The following SLC30A2 variants were observed in gnomAD, a reference collection of about 807,000 sequenced individuals.
The protein encoded by SLC30A2 is solute carrier family 30 member 2.
In SLC30A2, 19 loss-of-function variants were observed where a neutral mutation model predicts 39.6. The ratio of observed to expected loss-of-function variants is 0.48; its 90% CI spans 0.34 to 0.70. The LOEUF is 0.70. Among genes scored for constraint, SLC30A2 ranks in the 30% least tolerant of loss-of-function variants. SLC30A2 has a pLI of 0.01. For synonymous variants in SLC30A2, 195 were observed against 194.8 expected (o/e 1.00, Z -0.01); for missense variants, 387 against 479.4 (o/e 0.81, Z 1.80).
In SLC30A2 at chr1:26,046,025, C is replaced by A; in HGVS notation, c.-129G>T. On this transcript the variant is annotated 5_prime_UTR_variant, in exon 1 of 8. Coordinates refer to ENST00000374276, the MANE Select transcript of SLC30A2 (RefSeq NM_001004434.3). The surrounding 1 kb of genome is among the most constrained non-coding windows in gnomAD (Gnocchi z 4.4). ...GCCCCGCGAGGTGCGCTCACTCCGG[C>A]CCGGCTCCTGCGGCCCCTGAGCTCC... The A allele has an allele frequency of 2.2e-6, 3 of 1,391,914 alleles. No homozygotes were observed. Among genetic ancestry groups the A allele is most frequent in the Non-Finnish European group, 1.8e-6 (2 of 1,083,706 alleles). 86.2% of individuals were successfully genotyped at this position (1,391,914 alleles called of 1,614,324 possible). A position where few individuals can be genotyped will look rare whatever the true frequency, so the allele number is the denominator to read the frequency against.
At chr1:26,042,508 A>G (rs745912244) in intron 5 of SLC30A2, 41 bp downstream of exon 5, 1 of 1,578,264 alleles carries the variant, frequency 6.3e-7, no homozygotes, top group Non-Finnish European at 8.7e-7. Flanking sequence ...GGTGGTCTAC[A>G]CTCCCCTGCC....
In SLC30A2 at chr1:26,039,432, C is replaced by T. The variant is rs954861802; in HGVS notation, c.974-127G>A. ...GGGACCATGAACATGGAGAAGCCCC[C>T]AGATTCCATTCCTCTGCCAGGTAGC... is the stretch of plus-strand genomic sequence containing the variant. On this transcript the variant is annotated intron_variant, in intron 7 of 7. Coordinates refer to ENST00000374276, the MANE Select transcript of SLC30A2 (RefSeq NM_001004434.3). The surrounding 1 kb of genome is among the most constrained non-coding windows in gnomAD (Gnocchi z 4.3). 1.8e-5 allele frequency: 13 copies of T among 735,110 alleles called. No homozygotes were observed. Among genetic ancestry groups the T allele is most frequent in the Non-Finnish European group, 2.6e-5 (12 of 453,380 alleles). 45.5% of individuals were successfully genotyped at this position (735,110 alleles called of 1,614,324 possible). A position where few individuals can be genotyped will look rare whatever the true frequency, so the allele number is the denominator to read the frequency against.
intron 6 of SLC30A2, 45 bp downstream of exon 6, chr1:26,041,655 G>C: frequency 8.8e-7 from 1 of 1,134,192 alleles, no homozygotes; most frequent in Non-Finnish European, 1.3e-6. Context: ...GCTGATTAGC[G>C]CTTGAGAGCC....
intron 3 of SLC30A2, 88 bp from the exon 4 acceptor site, chr1:26,043,639 A>G: frequency 2.9e-6 from 4 of 1,367,210 alleles, no homozygotes. Flanking sequence ...CTCCCCACCC[A>G]CCTCCCACAC....
At chr1:26,041,960 T>C (rs959810403) in intron 5 of SLC30A2, among the ~76,000 whole-genome samples, 155 bp from the exon 6 acceptor site, 1 of 152,192 alleles carries the variant, frequency 6.6e-6, no homozygotes, top group Admixed American at 6.5e-5. Flanking sequence ...CTGCTCTTTA[T>C]TTCACATCTG....
chr1:26,040,529 G>A lies in SLC30A2; in HGVS notation c.839-618C>T, dbSNP rs147296567. 4.6e-5 allele frequency among the ~76,000 whole-genome samples: 7 copies of A among 152,260 alleles called. No individual in the cohort carries two copies. In the East Asian group the frequency reaches 1.4e-3, roughly 29 times the overall value. Reference sequence around the variant, plus strand: ...CTCCCACAGTGCTGGGATTACAGGTGTGAGCCACCGCACCTGGCCAATAAA... The same window carrying A: ...CTCCCACAGTGCTGGGATTACAGGTATGAGCCACCGCACCTGGCCAATAAA... On this transcript the variant is annotated intron_variant, in intron 6 of 7. Coordinates refer to ENST00000374276, the MANE Select transcript of SLC30A2 (RefSeq NM_001004434.3).
chr1:26,037,482 C>G lies in SLC30A2; in HGVS notation c.*1678G>C, dbSNP rs984437533. On this transcript the variant is annotated 3_prime_UTR_variant, in exon 8 of 8. Transcript: ENST00000374276. ...CTCCTGGCCTCAAGTCATCTGCCTG[C>G]CTCAGCCTCCCAAGGTGCTGGGATT... 6 of 152,222 alleles carry G rather than the reference C, an allele frequency of 3.9e-5. No homozygotes were observed. The highest frequency in any genetic ancestry group is 1.4e-4 in the African/African-American group (6 of 41,414). 9.4% of individuals were successfully genotyped at this position (152,222 alleles called of 1,614,324 possible).
intron 1 of SLC30A2, 22 bp from the exon 2 acceptor site, chr1:26,045,239 G>C: frequency 6.3e-7 from 1 of 1,591,390 alleles, no homozygotes. Flanking sequence ...GGAAGAGAGG[G>C]AACGCTCAGC....
chr1:26,041,421 C>T (rs2050395923), intron 6 of SLC30A2, among the ~76,000 whole-genome samples: 1 of 152,292 alleles, frequency 6.6e-6, no homozygotes, highest in South Asian at 2.1e-4. Context: ...ACAGATGTCC[C>T]CCAGAAGCCA....
chr1:26,041,092 G>A (rs1422024776), intron 6 of SLC30A2, among the ~76,000 whole-genome samples: 1 of 150,764 alleles, frequency 6.6e-6, no homozygotes, highest in Non-Finnish European at 1.5e-5. Flanking sequence ...GCAAGACCCT[G>A]TTTCAAAAAA....
rs560811845 is a variant in SLC30A2 at position 26,045,242 on chromosome 1, C to G, written c.51-25G>C. On this transcript the variant is annotated intron_variant, in intron 1 of 7. Transcript: ENST00000374276. ...CCTGGCCAGAGGGGAAGAGAGGGAA[C>G]GCTCAGCTCTGAGATGAGGTAAGGA... 1.7e-5 allele frequency: 27 copies of G among 1,586,062 alleles called. No homozygotes were observed. The South Asian group carries it at 2.7e-4, about 16-fold the overall frequency.
At chr1:26,041,171 A>G (rs2050393434) in intron 6 of SLC30A2, among the ~76,000 whole-genome samples, 1 of 152,074 alleles carries the variant, frequency 6.6e-6, no homozygotes, top group East Asian at 1.9e-4. Context: ...CCGTTCTCCA[A>G]CCCCACAAAG....
Position 26,039,180 on chromosome 1 carries a change from A to G in SLC30A2, c.1099T>C (p.Cys367Arg). ...AGCAGTCAGTCTGAGGGGCCCTGGC[A>G]TGCCTGACAGTCCTTCATGTCCTCC... is the stretch of plus-strand genomic sequence containing the variant. The part of the protein sequence containing the change: ...YSEDMKDCQA[C>R]QGPSD The change falls in exon 8 of 8, where the codon TGC (cysteine) becomes CGC (arginine). Residue 367 changes from cysteine (C) to arginine (R), a missense_variant. Transcript: ENST00000374276. This position sits in a 1 kb window ranked among gnomAD's most constrained non-coding sequence, Gnocchi z 4.3. The G allele has an allele frequency of 6.2e-7, 1 of 1,614,046 alleles. No individual in the cohort carries two copies. Among genetic ancestry groups the G allele is most frequent in the Non-Finnish European group, 8.5e-7 (1 of 1,179,900 alleles).
chr1:26,043,334 C>G, intron 4 of SLC30A2, 64 bp downstream of exon 4: 2 of 1,519,824 alleles, frequency 1.3e-6, no homozygotes, highest in Non-Finnish European at 1.8e-6. Context: ...GCAAAGCAGA[C>G]ATAGGTGTGG....
At chr1:26,045,478 G>A (rs1053519344) in intron 1 of SLC30A2, 2 of 591,936 alleles carry the variant, frequency 3.4e-6, no homozygotes, top group Admixed American at 6.0e-5. Context: ...CCAGTGGAGC[G>A]CGGGGAAGGA....
chr1:26,038,890 A>T lies in SLC30A2; in HGVS notation c.*270T>A. On this transcript the variant is annotated 3_prime_UTR_variant, in exon 8 of 8. Transcript: ENST00000374276. Reference sequence around the variant, plus strand: ...CCTGCGAGTGGTAGAACATTTGCTGAGGATTAGGCCCAAATACAGCCCTTC... The same window carrying T: ...CCTGCGAGTGGTAGAACATTTGCTGTGGATTAGGCCCAAATACAGCCCTTC... 1 of 815,124 alleles carries T rather than the reference A, an allele frequency of 1.2e-6. No individual in the cohort carries two copies. Among genetic ancestry groups the T allele is most frequent in the Non-Finnish European group, 1.6e-6 (1 of 623,166 alleles). 50.5% of individuals were successfully genotyped at this position (815,124 alleles called of 1,614,324 possible).
intron 6 of SLC30A2, among the ~76,000 whole-genome samples, chr1:26,040,398 G>A (rs940715492): frequency 1.3e-5 from 2 of 152,096 alleles, no homozygotes; most frequent in African/African-American, 4.8e-5. Flanking sequence ...ACAGGCGCAT[G>A]CCACCACGCC....
chr1:26,044,428 G>A lies in SLC30A2; in HGVS notation c.288C>T (p.His96=). The change falls in exon 3 of 8, where the codon CAC becomes CAT. Residue 96 remains histidine, a synonymous_variant. Coordinates refer to ENST00000374276, the MANE Select transcript of SLC30A2 (RefSeq NM_001004434.3). ...CTGCGTCAGTCATGACAGCCAAGCT[G>A]TGTGCCAGGTACCCACCTGCAGGGT... ...IGEVVGGYLA[H]SLAVMTDAAH... is the part of the protein sequence containing the mutation. The A allele has an allele frequency of 1.9e-6, 3 of 1,613,804 alleles. No individual in the cohort carries two copies. Among genetic ancestry groups the A allele is most frequent in the Non-Finnish European group, 2.5e-6 (3 of 1,179,926 alleles).
intron 4 of SLC30A2, 40 bp downstream of exon 4, chr1:26,043,358 G>C (rs1557563232): frequency 2.5e-6 from 4 of 1,594,734 alleles, no homozygotes; most frequent in Non-Finnish European, 3.4e-6. Context: ...TGAGAGGCGG[G>C]AGGAGGAGGG....
Sources: allele counts gnomAD v4.1 joint callset (sites outside exome capture counted in the v4.1 genomes callset), GRCh38; gene constraint gnomAD v4.1.1; non-coding constraint Gnocchi (gnomAD v3.1); transcripts MANE v1.5; gene names NCBI Gene and HGNC (gene_info 2026-07-23, HGNC 2026-07-21).